Variants in PSME3 observed in about 807,000 individuals in gnomAD.
PSME3 encodes the protein proteasome activator subunit 3.
PSME3 carries 7 observed loss-of-function variants against 38.3 expected under a neutral mutation model. The observed-to-expected ratio is 0.18, with a 90% CI of 0.10 to 0.34. PSME3 has a LOEUF of 0.34. Ranked by LOEUF, PSME3 falls within the 10% of genes least tolerant of loss-of-function variation. The pLI, the probability that PSME3 is intolerant of heterozygous loss-of-function variation, is 1.00. For synonymous variants in PSME3, 108 were observed against 105.7 expected (o/e 1.02, Z -0.13); for missense variants, 192 against 307.6 (o/e 0.62, Z 2.81).
At chr17:42,834,955 C>G in intron 4 of PSME3, 79 bp downstream of exon 4, 1 of 1,576,008 alleles carries the variant, frequency 6.3e-7, no homozygotes, top group Non-Finnish European at 8.6e-7. Context: ...TTAAGATGTA[C>G]AGAGGGAACA....
At chr17:42,838,474 C>T (rs915454700) in intron 6 of PSME3, among the ~76,000 whole-genome samples, 1 of 152,054 alleles carries the variant, frequency 6.6e-6, no homozygotes, top group Non-Finnish European at 1.5e-5. Context: ...CACCCAGCTA[C>T]TTTTTGTATT....
Position 42,842,787 on chromosome 17 carries a change from CT to C in PSME3, c.*1213del. ...AGAGATATCACTTAATTGTTAACAG[CT>C]TTTGTGTTAATCCCCTTCAGCCCCT... is the stretch of plus-strand genomic sequence containing the variant. On this transcript the variant is annotated 3_prime_UTR_variant, in exon 11 of 11. Coordinates refer to ENST00000590720, the MANE Select transcript of PSME3 (RefSeq NM_005789.4). 1 of 152,754 alleles carries C rather than the reference CT, an allele frequency of 6.5e-6. No individual in the cohort carries two copies. 9.5% of individuals were successfully genotyped at this position (152,754 alleles called of 1,614,324 possible).
At chr17:42,838,287 T>C (rs1164220853) in intron 6 of PSME3, 82 bp downstream of exon 6, 7 of 1,574,866 alleles carry the variant, frequency 4.4e-6, no homozygotes, top group Non-Finnish European at 6.0e-6. Context: ...ACGGGTGGTA[T>C]GGGAATTGGC....
At chr17:42,836,528 A>G (rs1198854609) in intron 4 of PSME3, among the ~76,000 whole-genome samples, 1 of 152,194 alleles carries the variant, frequency 6.6e-6, no homozygotes, top group Non-Finnish European at 1.5e-5. Context: ...CTTCCCAACT[A>G]GAGCGTAATT....
Position 42,841,602 on chromosome 17 carries a change from T to C in PSME3, c.*24T>C. 6.6e-7 allele frequency: 1 copy of C among 1,516,090 alleles called. No individual in the cohort carries two copies. The highest frequency in any genetic ancestry group is 9.0e-7 in the Non-Finnish European group (1 of 1,112,684). 93.9% of individuals were successfully genotyped at this position (1,516,090 alleles called of 1,614,324 possible). ...GAGGCCAGGGCCAGGGCCAGGGGACTCTGTGAGTCTGGCTCAAGACCGACA... is the reference window on the plus strand; with the variant it reads ...GAGGCCAGGGCCAGGGCCAGGGGACCCTGTGAGTCTGGCTCAAGACCGACA... On this transcript the variant is annotated 3_prime_UTR_variant, in exon 11 of 11. Transcript: ENST00000590720.
At chr17:42,839,692 A>G (rs530568025) in intron 10 of PSME3, among the ~76,000 whole-genome samples, 2 of 152,190 alleles carry the variant, frequency 1.3e-5, no homozygotes, top group South Asian at 2.1e-4. Context: ...TTAAACTTCA[A>G]TTTCTTCTTT....
rs767374760 is a variant in PSME3, at chr17:42,838,204, C to T, written c.404C>T (p.Thr135Met). 3.7e-6 allele frequency: 6 copies of T among 1,613,780 alleles called. No homozygotes were observed. The highest frequency in any genetic ancestry group is 1.3e-5 in the African/African-American group (1 of 75,024). ...EIRLLIEKCN[T>M]VKMWVQLLIP... ...CGGCTGTTGATTGAGAAATGTAACA[C>T]GGTGAGGCACAGGCTGGTGACCTAT... Residue 135 changes from threonine (T) to methionine (M), a missense_variant and splice_region_variant, in exon 6 of 11, where the codon ACG becomes ATG. Thr to Met is a moderately conservative substitution (Grantham distance 81). Around this residue, in one of 2 missense-constraint regions of PSME3, gnomAD observed 82 missense variants for 168.2 expected, o/e 0.49. Transcript: ENST00000590720.
At chr17:42,841,462 A>G in intron 10 of PSME3, 36 bp from the exon 11 acceptor site, 1 of 1,406,422 alleles carries the variant, frequency 7.1e-7, no homozygotes, top group East Asian at 2.3e-5. Context: ...TAAGGGTTGT[A>G]CAGATATGTG....
At chr17:42,837,125 C>T (rs111808736) in intron 4 of PSME3, among the ~76,000 whole-genome samples, 4,269 of 152,160 alleles carry the variant, frequency 0.028, 183 homozygotes, top group South Asian at 0.1. Context: ...AATCTCGGCT[C>T]ACTACAACCT....
At chr17:42,836,098 G>T (rs941599146) in intron 4 of PSME3, among the ~76,000 whole-genome samples, 1 of 150,384 alleles carries the variant, frequency 6.6e-6, no homozygotes, top group Non-Finnish European at 1.5e-5. Context: ...TCCGCCTCCC[G>T]GGTTCAAGTG....
intron 6 of PSME3, 172 bp from the exon 7 acceptor site, chr17:42,838,559 C>T: frequency 1.4e-6 from 1 of 702,012 alleles, no homozygotes; most frequent in Non-Finnish European, 2.4e-6. Context: ...CTCAGGTGAT[C>T]CACCCGCTTC....
In PSME3 at chr17:42,835,724, C is replaced by CAAAA. The variant is rs543220645; in HGVS notation, c.243+858_243+861dup. On this transcript the variant is annotated intron_variant, in intron 4 of 10. Coordinates refer to ENST00000590720, the MANE Select transcript of PSME3 (RefSeq NM_005789.4). ...TGGGCGACAGAGCGAGACTCTGTCT[C>CAAAA]AAAAAAAAAAAAAGAGAACTAGCTT... 1.9e-3 allele frequency among the ~76,000 whole-genome samples: 229 copies of CAAAA among 122,038 alleles called. 2 individuals carry two copies. The highest frequency in any genetic ancestry group is 6.6e-3 in the African/African-American group (224 of 34,146). 80.1% of individuals were successfully genotyped at this position (122,038 alleles called of 152,430 possible). A position where few individuals can be genotyped will look rare whatever the true frequency, so the allele number is the denominator to read the frequency against.
chr17:42,833,825 T>C (rs1162133057), intron 1 of PSME3, 152 bp downstream of exon 1: 2 of 1,555,886 alleles, frequency 1.3e-6, no homozygotes, highest in Non-Finnish European at 8.7e-7. Context: ...CGGGGTCGGC[T>C]TCGCGGGAGA....
intron 1 of PSME3, 110 bp from the exon 2 acceptor site, chr17:42,834,234 C>T (rs1431172587): frequency 1.3e-6 from 2 of 1,588,546 alleles, no homozygotes; most frequent in Non-Finnish European, 1.7e-6. Context: ...GGGGGCCTCT[C>T]AGCTTCTTAT....
Position 42,841,604 on chromosome 17 carries a change from T to C in PSME3, c.*26T>C, listed in dbSNP as rs541953322. ...GGCCAGGGCCAGGGCCAGGGGACTC[T>C]GTGAGTCTGGCTCAAGACCGACATT... On this transcript the variant is annotated 3_prime_UTR_variant, in exon 11 of 11. Transcript: ENST00000590720. The C allele has an allele frequency of 3.2e-5, 49 of 1,512,110 alleles. No homozygotes were observed. Among genetic ancestry groups the C allele is most frequent in the Middle Eastern group, 3.5e-4 (2 of 5,732 alleles). 93.7% of individuals were successfully genotyped at this position (1,512,110 alleles called of 1,614,324 possible).
At chr17:42,839,262 G>C (rs1174596479) in intron 9 of PSME3, 32 bp from the exon 10 acceptor site, 1 of 1,592,724 alleles carries the variant, frequency 6.3e-7, no homozygotes, top group East Asian at 2.2e-5. Context: ...TTGGGCTTTG[G>C]GGACTAGCTT....
At chr17:42,839,720 G>A (rs2055507767) in intron 10 of PSME3, among the ~76,000 whole-genome samples, 1 of 152,178 alleles carries the variant, frequency 6.6e-6, no homozygotes, top group Non-Finnish European at 1.5e-5. Flanking sequence ...GACTGGGCTG[G>A]GCGCAGTGGC....
chr17:42,837,942 A>C (rs949158724), intron 5 of PSME3, 151 bp from the exon 6 acceptor site: 1 of 899,308 alleles, frequency 1.1e-6, no homozygotes, highest in East Asian at 2.6e-5. Context: ...TTTTCCATAC[A>C]TTCTCGTTGA....
intron 4 of PSME3, among the ~76,000 whole-genome samples, chr17:42,837,061 T>C (rs561089066): frequency 6.6e-6 from 1 of 151,946 alleles, no homozygotes; most frequent in African/African-American, 2.4e-5. Flanking sequence ...TTTTTATTTT[T>C]ATTTTTTGGA....
Sources: allele counts gnomAD v4.1 joint callset (sites outside exome capture counted in the v4.1 genomes callset), GRCh38; gene constraint gnomAD v4.1.1; regional missense constraint gnomAD v4.1.1; transcripts MANE v1.5; gene names NCBI Gene and HGNC (gene_info 2026-07-23, HGNC 2026-07-21).